NCOA1: variants seen among roughly 807,000 people sequenced by gnomAD.
NCOA1 encodes Hin-2 protein.
A neutral mutation model predicts 150.9 loss-of-function variants in NCOA1; 35 were observed. The observed-to-expected ratio is 0.23, with a 90% CI of 0.18 to 0.31. NCOA1 has a LOEUF of 0.31. NCOA1 is among the 10% of genes least tolerant of loss of function. The probability of loss-of-function intolerance (pLI) is 1.00; values close to 1 mark genes in which losing one functional copy is unlikely to be tolerated. For synonymous variants in NCOA1, 590 were observed against 630.0 expected, an observed-to-expected ratio of 0.94 and a Z score of 0.95; for missense variants, 1,491 against 1,749.3, an observed-to-expected ratio of 0.85 and a Z score of 2.63.
chr2:24,492,068 T>G (rs1260661336), intron 1 of NCOA1: 1 of 152,060 alleles, frequency 6.6e-6, no homozygotes, highest in Non-Finnish European at 1.5e-5. Flanking sequence ...GAATCTCGCC[T>G]GCCGGGACCG....
chr2:24,751,254 C>T (rs1664222708), intron 19 of NCOA1, among the ~76,000 whole-genome samples: 2 of 150,984 alleles, frequency 1.3e-5, no homozygotes, highest in African/African-American at 4.9e-5. Flanking sequence ...GCGTGAGCCA[C>T]AGCACCCGGC....
At chr2:24,765,370 G>A (rs1383027591) in intron 22 of NCOA1, among the ~76,000 whole-genome samples, 8 of 151,998 alleles carry the variant, frequency 5.3e-5, no homozygotes, top group African/African-American at 1.2e-4. Context: ...ATGGTGGCGG[G>A]CGCCTGTAGT....
At position 24,739,470 on chromosome 2, in the gene NCOA1, T is replaced by A. The variant is rs1195352818; in HGVS notation, c.3240T>A (p.Phe1080Leu). The A allele has an allele frequency of 6.2e-7, 1 of 1,613,960 alleles. No homozygotes were observed. Among genetic ancestry groups the A allele is most frequent in the Admixed American group, 1.7e-5 (1 of 60,010 alleles). ...ATCGGCAAGCTATCTTAAACCAGTTTGCAGCAACTGCTCCTGTTGGCATCA... is the reference window on the plus strand; with the variant it reads ...ATCGGCAAGCTATCTTAAACCAGTTAGCAGCAACTGCTCCTGTTGGCATCA... ...HQNRQAILNQ[F>L]AATAPVGINM... The change falls in exon 18 of 23, where the codon TTT becomes TTA. Residue 1080 changes from phenylalanine (F) to leucine (L), a missense_variant. By Grantham distance (22) the Phe-to-Leu change is conservative. This residue lies in a region of NCOA1 where 485 missense variants were observed against 522.8 expected (regional missense o/e 0.93). Transcript: ENST00000348332.
intron 1 of NCOA1, among the ~76,000 whole-genome samples, chr2:24,514,381 T>C (rs76598376): frequency 6.6e-6 from 1 of 151,560 alleles, no homozygotes; most frequent in African/African-American, 2.4e-5. Context: ...TTGGTAATAG[T>C]CTTCATTACC....
chr2:24,719,572 G>C (rs1360899276), intron 14 of NCOA1, among the ~76,000 whole-genome samples: 1 of 152,154 alleles, frequency 6.6e-6, no homozygotes, highest in Non-Finnish European at 1.5e-5. Flanking sequence ...AAAGACCTCA[G>C]ATTTTATCTG....
chr2:24,713,660 T>A (rs918584242), intron 14 of NCOA1, among the ~76,000 whole-genome samples: 5 of 152,150 alleles, frequency 3.3e-5, no homozygotes, highest in Admixed American at 2.0e-4. Flanking sequence ...AGCCAATAGA[T>A]AATAGGCAGT....
rs1662949393 is a variant in NCOA1, at chr2:24,491,482, G to GA, written c.-516_-515insA. Among the ~76,000 whole-genome samples the GA allele has an allele frequency of 6.2e-5, 1 of 16,120 alleles. No homozygotes were observed. The highest frequency in any genetic ancestry group is 3.5e-4 in the Non-Finnish European group (1 of 2,878). The allele number at this position is 16,120 out of a possible 152,430, so 10.6% of individuals were successfully genotyped here. A position where few individuals can be genotyped will look rare whatever the true frequency, so the allele number is the denominator to read the frequency against. Reference sequence around the variant, plus strand: ...CCTGCGGGGGGACCCCTGCTCCGGAGGAGGGGGCCGGAGAGCCGCGGCGCC... The same window carrying GA: ...CCTGCGGGGGGACCCCTGCTCCGGAGAGAGGGGGCCGGAGAGCCGCGGCGCC... On this transcript the variant is annotated 5_prime_UTR_variant, in exon 1 of 23. Coordinates refer to ENST00000348332, the MANE Select transcript of NCOA1 (RefSeq NM_003743.5).
intron 3 of NCOA1, among the ~76,000 whole-genome samples, chr2:24,610,044 A>G (rs1668550946): frequency 6.7e-6 from 1 of 150,212 alleles, no homozygotes; most frequent in Admixed American, 6.6e-5. Context: ...TCTTTCTGGT[A>G]GTAATTGTTC....
chr2:24,687,681 A>G (rs1660847375), intron 8 of NCOA1, among the ~76,000 whole-genome samples: 1 of 152,136 alleles, frequency 6.6e-6, no homozygotes, highest in Non-Finnish European at 1.5e-5. Flanking sequence ...TAAAACCATC[A>G]GATCTCTTGA....
At chr2:24,666,475 G>A (rs1022517343) in intron 6 of NCOA1, among the ~76,000 whole-genome samples, 6 of 152,238 alleles carry the variant, frequency 3.9e-5, no homozygotes, top group African/African-American at 1.2e-4. Context: ...AGGAGATTAT[G>A]GGACTCAGTA....
intron 1 of NCOA1, among the ~76,000 whole-genome samples, chr2:24,502,587 C>A (rs961157552): frequency 1.1e-4 from 16 of 152,274 alleles, no homozygotes; most frequent in African/African-American, 3.6e-4. Flanking sequence ...CTTAGCCTGG[C>A]ATTTAAACCT....
chr2:24,636,490 T>C (rs1669943260), intron 3 of NCOA1, among the ~76,000 whole-genome samples: 1 of 152,190 alleles, frequency 6.6e-6, no homozygotes, highest in African/African-American at 2.4e-5. Flanking sequence ...CCTTGCCAAA[T>C]TCACTTAATT....
intron 3 of NCOA1, among the ~76,000 whole-genome samples, chr2:24,633,843 A>G (rs559886705): frequency 6.6e-6 from 1 of 152,234 alleles, no homozygotes; most frequent in Non-Finnish European, 1.5e-5. Flanking sequence ...GGATATTGCC[A>G]TTAGAAATTC....
intron 13 of NCOA1, among the ~76,000 whole-genome samples, chr2:24,708,977 G>A (rs901686440): frequency 6.6e-6 from 1 of 152,070 alleles, no homozygotes; most frequent in Non-Finnish European, 1.5e-5. Context: ...AGTATCCCTA[G>A]TTAGACATTT....
intron 1 of NCOA1, among the ~76,000 whole-genome samples, chr2:24,563,865 G>A (rs912967824): frequency 3.9e-5 from 6 of 152,158 alleles, no homozygotes; most frequent in Non-Finnish European, 8.8e-5. Flanking sequence ...GGCCTAGGAC[G>A]GAATAATAGC....
At chr2:24,748,401 G>A (rs1664049455) in intron 19 of NCOA1, among the ~76,000 whole-genome samples, 1 of 152,126 alleles carries the variant, frequency 6.6e-6, no homozygotes, top group Admixed American at 6.5e-5. Flanking sequence ...CACAAGGTCA[G>A]GAGATCAAGA....
Position 24,697,761 on chromosome 2 carries a change from C to T in NCOA1, c.912C>T (p.Gly304=). 6.2e-7 allele frequency: 1 copy of T among 1,613,860 alleles called. No individual in the cohort carries two copies. Among genetic ancestry groups the T allele is most frequent in the Non-Finnish European group, 8.5e-7 (1 of 1,179,812 alleles). Residue 304 remains glycine (G), a synonymous_variant, in exon 11 of 23, where the codon GGC becomes GGT. Transcript: ENST00000348332. ...KCIYAFFQPQ[G]REPSYARQLF... is the part of the protein sequence containing the mutation. ...TTTATGCTTTTTTCCAACCTCAGGG[C>T]AGAGAACCATCTTATGCCAGACAGC...
At chr2:24,718,788 G>A (rs1283885121) in intron 14 of NCOA1, among the ~76,000 whole-genome samples, 3 of 150,362 alleles carry the variant, frequency 2.0e-5, no homozygotes, top group Non-Finnish European at 3.0e-5. Flanking sequence ...AGAATGGCCT[G>A]AACCCGGGAG....
chr2:24,656,546 A>G lies in NCOA1; in HGVS notation c.-17-2115A>G, dbSNP rs373002153. On this transcript the variant is annotated intron_variant, in intron 4 of 22. Transcript: ENST00000348332. ...GTTAATTATAGTTACCTACAATGCT[A>G]TAGAACACTAGAACTAATTTCTCAT... 6.6e-5 allele frequency among the ~76,000 whole-genome samples: 10 copies of G among 152,328 alleles called. No homozygotes were observed. In the South Asian group the frequency reaches 8.3e-4, roughly 13 times the overall value.
Sources: gnomAD v4.1 joint callset for allele counts (sites outside exome capture counted in the v4.1 genomes callset) on GRCh38, gnomAD v4.1.1 for gene constraint, gnomAD v4.1.1 regional missense constraint, MANE v1.5 for transcripts, NCBI Gene and HGNC (gene_info 2026-07-23, HGNC 2026-07-21) for gene names.